RAMP1: variants seen among roughly 807,000 people sequenced by gnomAD.
RAMP1 encodes receptor activity modifying protein 1.
In RAMP1, 7 loss-of-function variants were observed where a neutral mutation model predicts 8.2. The ratio of observed to expected loss-of-function variants is 0.85; its 90% CI spans 0.49 to 1.60. The LOEUF is 1.60. RAMP1 is among the 40% of genes most tolerant of loss of function. The pLI, the probability that RAMP1 is intolerant of heterozygous loss-of-function variation, is 0.00. For synonymous variants in RAMP1, 92 were observed against 84.7 expected (o/e 1.09, Z -0.47); for missense variants, 192 against 202.4 (o/e 0.95, Z 0.31).
At chr2:237,873,308 G>C (rs563384319) in intron 1 of RAMP1, among the ~76,000 whole-genome samples, 9 of 152,236 alleles carry the variant, frequency 5.9e-5, no homozygotes, top group Non-Finnish European at 1.2e-4. Context: ...CCAAACATGG[G>C]CATCAAGTGC....
intron 2 of RAMP1, among the ~76,000 whole-genome samples, chr2:237,909,497 C>T (rs576131033): frequency 8.5e-5 from 13 of 152,224 alleles, no homozygotes; most frequent in South Asian, 2.1e-4. Context: ...CCCCATGAAA[C>T]GCCAGAGGGG....
chr2:237,867,365 G>A (rs1205210074), intron 1 of RAMP1, among the ~76,000 whole-genome samples: 5 of 151,882 alleles, frequency 3.3e-5, no homozygotes, highest in African/African-American at 7.3e-5. Flanking sequence ...TGGCGGCAGC[G>A]GCAGAAGAAA....
chr2:237,907,602 A>C (rs1233289532), intron 2 of RAMP1, among the ~76,000 whole-genome samples: 1 of 151,982 alleles, frequency 6.6e-6, no homozygotes, highest in African/African-American at 2.4e-5. Flanking sequence ...TGATGGGCCC[A>C]TTGAAGGAAT....
At chr2:237,860,761 G>T (rs918966148) in intron 1 of RAMP1, among the ~76,000 whole-genome samples, 7 of 152,134 alleles carry the variant, frequency 4.6e-5, no homozygotes, top group Non-Finnish European at 7.4e-5. Flanking sequence ...CTGGCACTGG[G>T]CAAGCAGGGA....
intron 1 of RAMP1, 180 bp downstream of exon 1, chr2:237,859,907 A>C (rs1384882201): frequency 7.3e-6 from 4 of 551,268 alleles, no homozygotes; most frequent in Non-Finnish European, 1.2e-5. Flanking sequence ...GCCCCAGGGC[A>C]CAGGGGAGGC....
chr2:237,904,184 C>T (rs557769364), intron 2 of RAMP1, among the ~76,000 whole-genome samples: 99 of 151,774 alleles, frequency 6.5e-4, no homozygotes, highest in African/African-American at 2.2e-3. Context: ...GAGTCTGAGG[C>T]GGGCGGATCA....
chr2:237,901,830 GA>G lies in RAMP1; in HGVS notation c.192-9696del, dbSNP rs2062600177. ...CCTGACTAAACTGGGGGAGGCAGAA[GA>G]AGGGGTAGATAGATGCCAAGCCCCC... On this transcript the variant is annotated intron_variant, in intron 2 of 2. Transcript: ENST00000254661. Among the ~76,000 whole-genome samples the G allele has an allele frequency of 2.1e-5, 3 of 143,336 alleles. No individual in the cohort carries two copies. In the South Asian group the frequency reaches 6.8e-4, roughly 33 times the overall value. The allele number at this position is 143,336 out of a possible 152,430, so 94.0% of individuals were successfully genotyped here. A position where few individuals can be genotyped will look rare whatever the true frequency, so the allele number is the denominator to read the frequency against.
Position 237,878,828 on chromosome 2 carries a change from C to T in RAMP1, c.191+1466C>T, listed in dbSNP as rs545281269. Among the ~76,000 whole-genome samples the T allele has an allele frequency of 3.9e-3, 598 of 152,328 alleles. 6 individuals carry two copies. Among genetic ancestry groups the T allele is most frequent in the Middle Eastern group, 0.014 (4 of 294 alleles). ...CTGGGATTTAAAACAACAGAAACTC[C>T]GTACCCTCTGCTCCAGTTCAGGTGG... On this transcript the variant is annotated intron_variant, in intron 2 of 2. Coordinates refer to ENST00000254661, the MANE Select transcript of RAMP1 (RefSeq NM_005855.4). The surrounding 1 kb of genome is among the most constrained non-coding windows in gnomAD (Gnocchi z 5.7).
chr2:237,892,737 C>CTCTA (rs1446785968), intron 2 of RAMP1, among the ~76,000 whole-genome samples: 1 of 128,664 alleles, frequency 7.8e-6, no homozygotes, highest in East Asian at 2.7e-4. Context: ...GCTTCCTCTT[C>CTCTA]TCTCTCTCTC....
At position 237,878,868 on chromosome 2, in the gene RAMP1, C is replaced by T. The variant is rs2062336796; in HGVS notation, c.191+1506C>T. Among the ~76,000 whole-genome samples, 1 of 152,230 alleles carries T rather than the reference C, an allele frequency of 6.6e-6. No homozygotes were observed. On this transcript the variant is annotated intron_variant, in intron 2 of 2. Transcript: ENST00000254661. The surrounding 1 kb of genome is among the most constrained non-coding windows in gnomAD (Gnocchi z 5.7). The stretch of plus-strand genomic sequence containing the variant: ...AGTTCAGGTGGGAGAGTTGGTGCTC[C>T]CGAAGGTGGGAGGGCCAAAGTCACG...
At chr2:237,880,816 T>C (rs950875454) in intron 2 of RAMP1, among the ~76,000 whole-genome samples, 23 of 152,198 alleles carry the variant, frequency 1.5e-4, no homozygotes, top group African/African-American at 5.3e-4. Flanking sequence ...TGATGATAGA[T>C]GTTAACCACA....
At chr2:237,911,325 C>T (rs1251977534) in intron 2 of RAMP1, among the ~76,000 whole-genome samples, 1 of 152,256 alleles carries the variant, frequency 6.6e-6, no homozygotes, top group Non-Finnish European at 1.5e-5. Flanking sequence ...GCACCACGGG[C>T]CGCCATGCAG....
chr2:237,909,125 G>A (rs2062682520), intron 2 of RAMP1, among the ~76,000 whole-genome samples: 2 of 152,122 alleles, frequency 1.3e-5, no homozygotes, highest in Admixed American at 1.3e-4. Flanking sequence ...TGCCCACTGT[G>A]GCCTCAACCC....
At chr2:237,871,441 A>T (rs1429490834) in intron 1 of RAMP1, among the ~76,000 whole-genome samples, 3 of 152,226 alleles carry the variant, frequency 2.0e-5, no homozygotes, top group African/African-American at 7.2e-5. Context: ...GGACCAGGCC[A>T]TGCAGGGAGC....
At chr2:237,898,550 G>C (rs1363094983) in intron 2 of RAMP1, among the ~76,000 whole-genome samples, 1 of 152,196 alleles carries the variant, frequency 6.6e-6, no homozygotes, top group Non-Finnish European at 1.5e-5. Flanking sequence ...ACATTTCCCA[G>C]GCCAGCACAG....
intron 2 of RAMP1, among the ~76,000 whole-genome samples, chr2:237,906,430 C>A (rs928937962): frequency 6.6e-6 from 1 of 152,148 alleles, no homozygotes; most frequent in African/African-American, 2.4e-5. Flanking sequence ...GCTGGGATGC[C>A]GGAGAGGCCC....
intron 2 of RAMP1, among the ~76,000 whole-genome samples, chr2:237,894,748 G>A (rs1457549087): frequency 6.6e-6 from 1 of 152,196 alleles, no homozygotes; most frequent in African/African-American, 2.4e-5. Context: ...TTTGAACTGT[G>A]GAGAGGCCCC....
intron 2 of RAMP1, among the ~76,000 whole-genome samples, chr2:237,884,149 A>T (rs528660966): frequency 2.2e-4 from 34 of 152,032 alleles, no homozygotes; most frequent in African/African-American, 8.2e-4. Context: ...GCCCTTTCTA[A>T]CACGTGTTGG....
chr2:237,877,113 T>C lies in RAMP1; in HGVS notation c.53-111T>C. 1 of 1,418,832 alleles carries C rather than the reference T, an allele frequency of 7.0e-7. No individual in the cohort carries two copies. Among genetic ancestry groups the C allele is most frequent in the Non-Finnish European group, 9.8e-7 (1 of 1,021,870 alleles). The allele number at this position is 1,418,832 out of a possible 1,614,324, so 87.9% of individuals were successfully genotyped here. ...CACAGTCGCCCTCTCCAGGGGTTGC[T>C]TAGAGGCCCCGTTCTCGTGGAGTCC... On this transcript the variant is annotated intron_variant, in intron 1 of 2. Coordinates refer to ENST00000254661, the MANE Select transcript of RAMP1 (RefSeq NM_005855.4). This position sits in a 1 kb window ranked among gnomAD's most constrained non-coding sequence, Gnocchi z 4.4.
Sources: gnomAD v4.1 joint callset for allele counts (sites outside exome capture counted in the v4.1 genomes callset) on GRCh38, gnomAD v4.1.1 for gene constraint, Gnocchi (gnomAD v3.1) non-coding constraint, MANE v1.5 for transcripts, NCBI Gene and HGNC (gene_info 2026-07-23, HGNC 2026-07-21) for gene names.